The following PCDHB10 variants were observed in gnomAD, a reference collection of about 807,000 sequenced individuals.
The protein encoded by PCDHB10 is protocadherin beta-10.
For synonymous variants in PCDHB10, 448 were observed against 449.2 expected, an observed-to-expected ratio of 1.00 and a Z score of 0.04; for missense variants, 1,046 against 1,004.7, an observed-to-expected ratio of 1.04 and a Z score of -0.56.
rs1554284423 is a variant in PCDHB10, at chr5:141,194,500, C to T, written c.1948C>T (p.Pro650Ser). The T allele has an allele frequency of 2.5e-6, 4 of 1,590,758 alleles. No homozygotes were observed. In the East Asian group the frequency reaches 6.9e-5, roughly 27 times the overall value. ...LVVLVKDNGE[P>S]PRSATATLHL... The stretch of plus-strand genomic sequence containing the variant: ...GGTGCTTGTCAAGGACAATGGCGAG[C>T]CTCCTCGCTCGGCCACCGCCACGCT... Residue 650 changes from proline (P) to serine (S), a missense_variant, in exon 1 of 1, where the codon CCT becomes TCT. Coordinates refer to ENST00000239446, the MANE Select transcript of PCDHB10 (RefSeq NM_018930.4).
In PCDHB10 at chr5:141,194,040, G is replaced by A. The variant is rs17844571; in HGVS notation, c.1488G>A (p.Pro496=). 2.2e-3 allele frequency: 3,469 copies of A among 1,608,018 alleles called. 10 individuals are homozygous for A. Among genetic ancestry groups the A allele is most frequent in the Non-Finnish European group, 2.7e-3 (3,176 of 1,177,878 alleles). Residue 496 remains proline, a synonymous_variant, in exon 1 of 1, where the codon CCG becomes CCA. Transcript: ENST00000239446. ...VTYSLLPPQD[P]HLPLASLVSI... ...ACTCGCTGCTGCCGCCCCAAGACCC[G>A]CACCTGCCCCTCGCCTCCCTGGTCT...
At position 141,193,178 on chromosome 5, in the gene PCDHB10, G is replaced by A. The variant is rs1554283992; in HGVS notation, c.626G>A (p.Ser209Asn). The change falls in exon 1 of 1, where the codon AGC becomes AAC. Residue 209 changes from serine (S) to asparagine (N), a missense_variant. Coordinates refer to ENST00000239446, the MANE Select transcript of PCDHB10 (RefSeq NM_018930.4). ...ALDREEQGELSLTLTALDGGS... is the reference protein window; with the variant it reads ...ALDREEQGELNLTLTALDGGS... ...GATCGGGAGGAGCAGGGAGAGCTCA[G>A]CTTAACCCTCACAGCGCTGGATGGT... 2 of 1,614,006 alleles carry A rather than the reference G, an allele frequency of 1.2e-6. No homozygotes were observed. Among genetic ancestry groups the A allele is most frequent in the Non-Finnish European group, 1.7e-6 (2 of 1,180,042 alleles).
Position 141,193,136 on chromosome 5 carries a change from T to A in PCDHB10, c.584T>A (p.Val195Glu), listed in dbSNP as rs1554283978. The change falls in exon 1 of 1, where the codon GTG becomes GAG. Residue 195 changes from valine (V) to glutamate (E), a missense_variant. By Grantham distance (121) the Val-to-Glu change is moderately radical. Transcript: ENST00000239446. ...GDEGMIYPEL[V>E]LDKALDREEQ... is the part of the protein sequence containing the mutation. ...GAAGGCATGATATATCCAGAGCTAG[T>A]GTTGGACAAAGCACTGGATCGGGAG... 1 of 1,614,016 alleles carries A rather than the reference T, an allele frequency of 6.2e-7. No individual in the cohort carries two copies. Among genetic ancestry groups the A allele is most frequent in the East Asian group, 2.2e-5 (1 of 44,882 alleles).
rs146809844 is a variant in PCDHB10, at chr5:141,194,196, C to A, written c.1644C>A (p.Arg548=). 2.8e-5 allele frequency: 45 copies of A among 1,603,296 alleles called. No homozygotes were observed. The African/African-American group carries it at 2.9e-4, about 10-fold the overall frequency. ...SPALSREALV[R]VLVLDANDNS... Reference sequence around the variant, plus strand: ...CGCTGAGCAGAGAGGCGCTGGTGCGCGTGCTGGTGCTGGACGCCAACGACA... The same window carrying A: ...CGCTGAGCAGAGAGGCGCTGGTGCGAGTGCTGGTGCTGGACGCCAACGACA... Residue 548 remains arginine (R), a synonymous_variant, in exon 1 of 1, where the codon CGC becomes CGA. Coordinates refer to ENST00000239446, the MANE Select transcript of PCDHB10 (RefSeq NM_018930.4).
At position 141,192,902 on chromosome 5, in the gene PCDHB10, A is replaced by G; in HGVS notation, c.350A>G (p.Tyr117Cys). Residue 117 changes from tyrosine to cysteine, a missense_variant, in exon 1 of 1, where the codon TAC becomes TGC. Coordinates refer to ENST00000239446, the MANE Select transcript of PCDHB10 (RefSeq NM_018930.4). Reference protein sequence around the residue: ...QILMDDPFQIYRAELRVRDIN... With the variant: ...QILMDDPFQICRAELRVRDIN... ...TTAATGGATGATCCCTTTCAGATTT[A>G]CCGGGCTGAGCTGAGAGTCAGGGAT... is the stretch of plus-strand genomic sequence containing the variant. 6.2e-7 allele frequency: 1 copy of G among 1,614,096 alleles called. No individual in the cohort carries two copies.
chr5:141,194,700 CAGG>C lies in PCDHB10; in HGVS notation c.2154_2156del (p.Arg718del). On this transcript the variant is annotated inframe_deletion, in exon 1 of 1. Coordinates refer to ENST00000239446, the MANE Select transcript of PCDHB10 (RefSeq NM_018930.4). ...TCCTGTTCGTGGCGGTGCGGCTGTGCAGGAGGAGCAGGGCGGCCTCGGTGGGTC... is the reference window on the plus strand; with the variant it reads ...TCCTGTTCGTGGCGGTGCGGCTGTGCAGGAGCAGGGCGGCCTCGGTGGGTC... 1 of 1,609,414 alleles carries C rather than the reference CAGG, an allele frequency of 6.2e-7. No homozygotes were observed.
Position 141,193,722 on chromosome 5 carries a change from A to G in PCDHB10, c.1170A>G (p.Pro390=). 2 of 1,614,160 alleles carry G rather than the reference A, an allele frequency of 1.2e-6. No individual in the cohort carries two copies. Among genetic ancestry groups the G allele is most frequent in the Non-Finnish European group, 8.5e-7 (1 of 1,180,042 alleles). Residue 390 remains proline (P), a synonymous_variant, in exon 1 of 1, where the codon CCA becomes CCG. Transcript: ENST00000239446. ...TTTGCTACATTCAAGAGAATCTGCC[A>G]TTCCTACTAAAACCTTCTGTGGAGA... ...KMVCYIQENL[P]FLLKPSVENF... is the part of the protein sequence containing the mutation.
rs541974394 is a variant in PCDHB10, at chr5:141,194,641, G to T, written c.2089G>T (p.Ala697Ser). 3 of 1,601,336 alleles carry T rather than the reference G, an allele frequency of 1.9e-6. No individual in the cohort carries two copies. The highest frequency in any genetic ancestry group is 2.2e-5 in the South Asian group (2 of 90,688). Reference protein sequence around the residue: ...LLTVYLVVALASVSSLFLLSV... With the variant: ...LLTVYLVVALSSVSSLFLLSV... Reference sequence around the variant, plus strand: ...CACCGTCTACCTGGTGGTGGCGTTGGCCTCGGTGTCTTCGCTCTTCCTCCT... The same window carrying T: ...CACCGTCTACCTGGTGGTGGCGTTGTCCTCGGTGTCTTCGCTCTTCCTCCT... The change falls in exon 1 of 1, where the codon GCC (alanine) becomes TCC (serine). Residue 697 changes from alanine (A) to serine (S), a missense_variant. Coordinates refer to ENST00000239446, the MANE Select transcript of PCDHB10 (RefSeq NM_018930.4).
rs150400648 is a variant in PCDHB10 at position 141,193,901 on chromosome 5, C to T, written c.1349C>T (p.Ala450Val). ...TCCGACGTCAATGACAACGCCCCCG[C>T]CTTCACCCAAACCTCCTACACCCTG... ...LVSDVNDNAP[A>V]FTQTSYTLFV... Residue 450 changes from alanine (A) to valine (V), a missense_variant, in exon 1 of 1, where the codon GCC becomes GTC. Physicochemically the swap from Ala to Val is moderately conservative, Grantham distance 64 (BLOSUM62 0). Transcript: ENST00000239446. 14 of 1,613,506 alleles carry T rather than the reference C, an allele frequency of 8.7e-6. No homozygotes were observed. Among genetic ancestry groups the T allele is most frequent in the African/African-American group, 2.7e-5 (2 of 74,872 alleles).
rs782280652 is a variant in PCDHB10 at position 141,194,831 on chromosome 5, G to T, written c.2279G>T (p.Gly760Val). ...SYQYEVCLTG[G>V]PGTSEFKFLK... ...CAGTATGAGGTGTGTCTGACGGGAGGCCCCGGGACCAGTGAGTTCAAGTTC... is the reference window on the plus strand; with the variant it reads ...CAGTATGAGGTGTGTCTGACGGGAGTCCCCGGGACCAGTGAGTTCAAGTTC... Residue 760 changes from glycine (G) to valine (V), a missense_variant, in exon 1 of 1, where the codon GGC becomes GTC. By Grantham distance (109) the Gly-to-Val change is moderately radical. Transcript: ENST00000239446. 1.9e-6 allele frequency: 3 copies of T among 1,614,164 alleles called. No homozygotes were observed. The highest frequency in any genetic ancestry group is 4.5e-5 in the East Asian group (2 of 44,870).
Position 141,192,521 on chromosome 5 carries a change from T to C in PCDHB10, c.-32T>C, listed in dbSNP as rs781798295. On this transcript the variant is annotated 5_prime_UTR_variant, in exon 1 of 1. Coordinates refer to ENST00000239446, the MANE Select transcript of PCDHB10 (RefSeq NM_018930.4). ...TCTTTTATGCTGGGAGCTGTGGCTG[T>C]AACCAACTAGGAAATAACGTATGCA... The C allele has an allele frequency of 1.2e-6, 2 of 1,600,880 alleles. No individual in the cohort carries two copies. Among genetic ancestry groups the C allele is most frequent in the Non-Finnish European group, 1.7e-6 (2 of 1,173,764 alleles).
chr5:141,193,791 C>A lies in PCDHB10; in HGVS notation c.1239C>A (p.Ile413=). The A allele has an allele frequency of 6.2e-7, 1 of 1,614,200 alleles. No individual in the cohort carries two copies. Among genetic ancestry groups the A allele is most frequent in the East Asian group, 2.2e-5 (1 of 44,874 alleles). The change falls in exon 1 of 1, where the codon ATC becomes ATA. Residue 413 remains isoleucine, a synonymous_variant. Transcript: ENST00000239446. ...CAGAAGGCGCGCTGGACAGAGAGAT[C>A]AGAGCCGAGTACAACATCACTATCA... ...LITEGALDRE[I]RAEYNITITV...
chr5:141,193,697 T>C lies in PCDHB10; in HGVS notation c.1145T>C (p.Val382Ala). The part of the protein sequence containing the change: ...DRDSGENGKM[V>A]CYIQENLPFL... Reference sequence around the variant, plus strand: ...GACTCTGGAGAAAATGGAAAGATGGTTTGCTACATTCAAGAGAATCTGCCA... The same window carrying C: ...GACTCTGGAGAAAATGGAAAGATGGCTTGCTACATTCAAGAGAATCTGCCA... The change falls in exon 1 of 1, where the codon GTT becomes GCT. Residue 382 changes from valine (V) to alanine (A), a missense_variant. Physicochemically the swap from Val to Ala is moderately conservative, Grantham distance 64 (BLOSUM62 0). Transcript: ENST00000239446. 6.2e-7 allele frequency: 1 copy of C among 1,614,060 alleles called. No individual in the cohort carries two copies.
Position 141,193,324 on chromosome 5 carries a change from G to C in PCDHB10, c.772G>C (p.Gly258Arg), listed in dbSNP as rs1753953594. ...ETQAPENSPI[G>R]FLIVKVWAED... is the part of the protein sequence containing the mutation. ...CCAGGCTCCAGAAAACAGCCCCATT[G>C]GGTTCCTTATTGTTAAGGTATGGGC... Residue 258 changes from glycine (G) to arginine (R), a missense_variant, in exon 1 of 1, where the codon GGG (glycine) becomes CGG (arginine). Coordinates refer to ENST00000239446, the MANE Select transcript of PCDHB10 (RefSeq NM_018930.4). 1.9e-6 allele frequency: 3 copies of C among 1,614,076 alleles called. No individual in the cohort carries two copies. Among genetic ancestry groups the C allele is most frequent in the Non-Finnish European group, 1.7e-6 (2 of 1,179,988 alleles).
At position 141,192,683 on chromosome 5, in the gene PCDHB10, T is replaced by C. The variant is rs1554283852; in HGVS notation, c.131T>C (p.Phe44Ser). 2 of 1,613,880 alleles carry C rather than the reference T, an allele frequency of 1.2e-6. No individual in the cohort carries two copies. Among genetic ancestry groups the C allele is most frequent in the South Asian group, 1.1e-5 (1 of 91,056 alleles). The change falls in exon 1 of 1, where the codon TTT becomes TCT. Residue 44 changes from phenylalanine to serine, a missense_variant. Physicochemically the swap from Phe to Ser is radical, Grantham distance 155. Transcript: ENST00000239446. ...ACTGAGGAAACAGAGAAAGGATCCT[T>C]TGTGGTCAATCTGGCAAAGGATCTG... ...SVTEETEKGS[F>S]VVNLAKDLGL...
At position 141,194,973 on chromosome 5, in the gene PCDHB10, A is replaced by T. The variant is rs190899451; in HGVS notation, c.*18A>T. 3 of 1,567,672 alleles carry T rather than the reference A, an allele frequency of 1.9e-6. No homozygotes were observed. The highest frequency in any genetic ancestry group is 1.8e-5 in the Admixed American group (1 of 54,514). ...TTCAGTAAAGTCTGTTTTTAGTTTC[A>T]TATACTTTTGGTGTGTTACATAGCC... is the stretch of plus-strand genomic sequence containing the variant. On this transcript the variant is annotated 3_prime_UTR_variant, in exon 1 of 1. Coordinates refer to ENST00000239446, the MANE Select transcript of PCDHB10 (RefSeq NM_018930.4).
chr5:141,194,817 G>A lies in PCDHB10; in HGVS notation c.2265G>A (p.Val755=). The A allele has an allele frequency of 1.2e-6, 2 of 1,614,172 alleles. No individual in the cohort carries two copies. The highest frequency in any genetic ancestry group is 2.2e-5 in the South Asian group (2 of 91,082). Residue 755 remains valine (V), a synonymous_variant, in exon 1 of 1, where the codon GTG becomes GTA. Coordinates refer to ENST00000239446, the MANE Select transcript of PCDHB10 (RefSeq NM_018930.4). Reference sequence around the variant, plus strand: ...TGTCCCAGAGCTACCAGTATGAGGTGTGTCTGACGGGAGGCCCCGGGACCA... The same window carrying A: ...TGTCCCAGAGCTACCAGTATGAGGTATGTCTGACGGGAGGCCCCGGGACCA... ...ETLSQSYQYE[V]CLTGGPGTSE...
chr5:141,193,688 GA>G lies in PCDHB10; in HGVS notation c.1139del (p.Lys380ArgfsTer14). Reference sequence around the variant, plus strand: ...AATGACAGAGACTCTGGAGAAAATGGAAAGATGGTTTGCTACATTCAAGAGA... The same window carrying G: ...AATGACAGAGACTCTGGAGAAAATGGAAGATGGTTTGCTACATTCAAGAGA... ...KINDRDSGEN[G>X]KMVCYIQENL... On this transcript the variant is annotated frameshift_variant, in exon 1 of 1. Transcript: ENST00000239446. LOFTEE classifies it low-confidence loss of function (END_TRUNC). The G allele has an allele frequency of 6.2e-7, 1 of 1,614,124 alleles. No individual in the cohort carries two copies. Among genetic ancestry groups the G allele is most frequent in the African/African-American group, 1.3e-5 (1 of 74,992 alleles).
rs1223411746 is a variant in PCDHB10 at position 141,194,798 on chromosome 5, AGAGCTACCAGTAT to A, written c.2250_2262del (p.Ser750ArgfsTer4). The A allele has an allele frequency of 6.2e-7, 1 of 1,613,956 alleles. No individual in the cohort carries two copies. Among genetic ancestry groups the A allele is most frequent in the African/African-American group, 1.3e-5 (1 of 74,912 alleles). On this transcript the variant is annotated frameshift_variant, in exon 1 of 1. Coordinates refer to ENST00000239446, the MANE Select transcript of PCDHB10 (RefSeq NM_018930.4). LOFTEE classifies it low-confidence loss of function (END_TRUNC). ...GTGAGGGGCGCTGAGACCCTGTCCC[AGAGCTACCAGTAT>A]GAGGTGTGTCTGACGGGAGGCCCCG... is the stretch of plus-strand genomic sequence containing the variant.
Sources: gnomAD v4.1 joint callset for allele counts on GRCh38, gnomAD v4.1.1 for gene constraint, MANE v1.5 for transcripts, NCBI Gene and HGNC (gene_info 2026-07-23, HGNC 2026-07-21) for gene names.